PCDHA4: variants seen among roughly 807,000 people sequenced by gnomAD.
PCDHA4 encodes protocadherin alpha-4.
A neutral mutation model predicts 61.4 loss-of-function variants in PCDHA4; 49 were observed. The observed-to-expected ratio is 0.80, with a 90% confidence interval of 0.63 to 1.01. The LOEUF is 1.01. Ranked by LOEUF, PCDHA4 falls within the 50% of genes least tolerant of loss-of-function variation. The pLI, the probability that PCDHA4 is intolerant of heterozygous loss-of-function variation, is 0.00. For missense variants in PCDHA4, 1,254 were observed against 1,235.8 expected, an observed-to-expected ratio of 1.01 and a Z score of -0.22; for synonymous variants, 590 against 550.3, an observed-to-expected ratio of 1.07 and a Z score of -1.01.
intron 1 of PCDHA4, among the ~76,000 whole-genome samples, chr5:140,916,342 T>C (rs1365738177): frequency 2.0e-5 from 3 of 152,122 alleles, no homozygotes; most frequent in Admixed American, 6.5e-5. Context: ...TTCCTCTGTT[T>C]CTGTCAAACA....
At chr5:140,876,308 A>T in intron 1 of PCDHA4, 1 of 1,614,070 alleles carries the variant, frequency 6.2e-7, no homozygotes, top group South Asian at 1.1e-5. Context: ...GAAATTTCCT[A>T]TGGGATCAAA....
chr5:140,827,104 T>A (rs1424454737), intron 1 of PCDHA4, among the ~76,000 whole-genome samples: 1 of 152,180 alleles, frequency 6.6e-6, no homozygotes, highest in Non-Finnish European at 1.5e-5. Flanking sequence ...AGTCAGCATG[T>A]ATAGGTGAAA....
intron 1 of PCDHA4, among the ~76,000 whole-genome samples, chr5:140,845,552 T>C (rs2150379809): frequency 0.45 from 67,291 of 148,608 alleles, 18,811 homozygotes; most frequent in South Asian, 0.64. Context: ...ATGGTGATGC[T>C]TTTAGCTATT....
chr5:141,004,745 A>C (rs1282005519), intron 3 of PCDHA4, among the ~76,000 whole-genome samples: 2 of 152,158 alleles, frequency 1.3e-5, no homozygotes, highest in Non-Finnish European at 2.9e-5. Flanking sequence ...CTTTTGTCTC[A>C]GTCTCTTAGA....
chr5:140,996,262 C>G (rs943119390), intron 3 of PCDHA4, among the ~76,000 whole-genome samples: 1 of 152,182 alleles, frequency 6.6e-6, no homozygotes. Flanking sequence ...CAACACAGAG[C>G]CTGGGATTGC....
intron 1 of PCDHA4, chr5:140,834,235 C>A: frequency 1.3e-6 from 1 of 779,654 alleles, no homozygotes; most frequent in South Asian, 2.0e-5. Flanking sequence ...GAAGTCATTC[C>A]TTTTCGCACT....
In PCDHA4 at chr5:140,823,864, G is replaced by C. The variant is rs1317473064; in HGVS notation, c.2385+14292G>C. 4 of 1,613,766 alleles carry C rather than the reference G, an allele frequency of 2.5e-6. No homozygotes were observed. The highest frequency in any genetic ancestry group is 4.5e-5 in the East Asian group (2 of 44,878). ...CGAGGCTGCCCTGGTGGATGTCAAC[G>C]TGTACCTGATCATCGCCATCTGTGC... On this transcript the variant is annotated intron_variant, in intron 1 of 3. Coordinates refer to ENST00000530339, the MANE Select transcript of PCDHA4 (RefSeq NM_018907.4).
chr5:140,948,468 CT>C (rs1173060430), intron 1 of PCDHA4, among the ~76,000 whole-genome samples: 1 of 151,468 alleles, frequency 6.6e-6, no homozygotes, highest in African/African-American at 2.4e-5. Flanking sequence ...GGGAAAGTTT[CT>C]GATAATAAAT....
intron 1 of PCDHA4, chr5:140,870,788 C>A (rs782319322): frequency 3.7e-6 from 6 of 1,613,636 alleles, no homozygotes; most frequent in Non-Finnish European, 5.1e-6. Context: ...GACAACGCGC[C>A]GGCACTGCTG....
intron 1 of PCDHA4, chr5:140,836,465 G>C (rs2150261625): frequency 6.2e-7 from 1 of 1,613,860 alleles, no homozygotes; most frequent in Admixed American, 1.7e-5. Context: ...CCGAGCTGGT[G>C]GATGTCAACG....
At position 140,808,545 on chromosome 5, in the gene PCDHA4, CG is replaced by C. The variant is rs1562217441; in HGVS notation, c.1360del (p.Ala454ArgfsTer11). ...VEVADVNDNA[P>X]AFAQPEYTVF... ...GTGGCTGATGTGAACGACAACGCTC[CG>C]GCGTTCGCGCAGCCCGAGTACACAG... On this transcript the variant is annotated frameshift_variant, in exon 1 of 4. Coordinates refer to ENST00000530339, the MANE Select transcript of PCDHA4 (RefSeq NM_018907.4). LOFTEE classifies it high-confidence loss of function. The C allele has an allele frequency of 6.2e-7, 1 of 1,614,116 alleles. No homozygotes were observed. The highest frequency in any genetic ancestry group is 1.7e-5 in the Admixed American group (1 of 60,032).
chr5:140,945,079 T>C (rs1554216701), intron 1 of PCDHA4, among the ~76,000 whole-genome samples: 1 of 152,126 alleles, frequency 6.6e-6, no homozygotes, highest in South Asian at 2.1e-4. Context: ...ACCAAAACAC[T>C]CTTGGAACTA....
At chr5:140,890,576 A>T (rs1554184435) in intron 1 of PCDHA4, among the ~76,000 whole-genome samples, 2 of 151,634 alleles carry the variant, frequency 1.3e-5, no homozygotes, top group African/African-American at 4.8e-5. Flanking sequence ...TTCCTTCTGT[A>T]TTATTTGGAA....
At chr5:140,876,101 T>C (rs2056113076) in intron 1 of PCDHA4, 1 of 1,613,984 alleles carries the variant, frequency 6.2e-7, no homozygotes, top group East Asian at 2.2e-5. Flanking sequence ...AAACTCAATT[T>C]ATTGCTGATG....
At chr5:140,841,928 G>A in intron 1 of PCDHA4, 2 of 1,613,910 alleles carry the variant, frequency 1.2e-6, no homozygotes, top group Admixed American at 1.7e-5. Context: ...CTTGGACAGA[G>A]AGGACGCTCC....
chr5:140,835,202 G>A, intron 1 of PCDHA4: 1 of 1,560,884 alleles, frequency 6.4e-7, no homozygotes, highest in African/African-American at 1.4e-5. Flanking sequence ...ACGAAGGCTT[G>A]AATGGGGATA....
At chr5:140,836,986 CTT>C (rs1370800263) in intron 1 of PCDHA4, 2 of 355,684 alleles carry the variant, frequency 5.6e-6, no homozygotes, top group Non-Finnish European at 9.9e-6. Context: ...TGGAGGAGGA[CTT>C]TGCTAACTGG....
chr5:140,907,344 C>T (rs548533041), intron 1 of PCDHA4, among the ~76,000 whole-genome samples: 111 of 152,276 alleles, frequency 7.3e-4, no homozygotes, highest in Non-Finnish European at 1.2e-3. Flanking sequence ...TGCATGAGCC[C>T]GCTGCTGCAC....
intron 1 of PCDHA4, chr5:140,869,509 A>C (rs199564677): frequency 6.2e-7 from 1 of 1,614,206 alleles, no homozygotes; most frequent in Non-Finnish European, 8.5e-7. Flanking sequence ...GTTCTCGCTC[A>C]GAGAACAAAA....
Sources: allele counts gnomAD v4.1 joint callset (sites outside exome capture counted in the v4.1 genomes callset), GRCh38; gene constraint gnomAD v4.1.1; transcripts MANE v1.5; gene names NCBI Gene and HGNC (gene_info 2026-07-23, HGNC 2026-07-21).